The following ANP32B variants were observed in gnomAD, a reference collection of about 807,000 sequenced individuals.
ANP32B encodes the protein acidic leucine-rich nuclear phosphoprotein 32 family member B.
In ANP32B, 6 loss-of-function variants were observed where a neutral mutation model predicts 32.2. The observed-to-expected ratio is 0.19, with a 90% confidence interval of 0.10 to 0.37. The LOEUF is 0.37. Among genes scored for constraint, ANP32B ranks in the 10% least tolerant of loss-of-function variants. The pLI is 1.00. For synonymous variants in ANP32B, 98 were observed against 105.8 expected (o/e 0.93, Z 0.45); for missense variants, 204 against 289.2 (o/e 0.71, Z 2.14).
intron 2 of ANP32B, among the ~76,000 whole-genome samples, chr9:97,997,562 G>T (rs1019146502): frequency 2.0e-5 from 3 of 152,196 alleles, no homozygotes; most frequent in Admixed American, 6.5e-5. Context: ...TGTTGGGCAA[G>T]TTTATTTTCC....
intron 2 of ANP32B, among the ~76,000 whole-genome samples, chr9:97,996,896 G>A (rs1006957909): frequency 4.0e-5 from 6 of 151,820 alleles, no homozygotes; most frequent in Non-Finnish European, 7.4e-5. Flanking sequence ...CACCGTGCCC[G>A]GCCCACAAAT....
At chr9:98,010,592 CAG>C (rs1359780879) in intron 4 of ANP32B, among the ~76,000 whole-genome samples, 4 of 152,050 alleles carry the variant, frequency 2.6e-5, no homozygotes, top group Non-Finnish European at 4.4e-5. Flanking sequence ...AAGGTGGAGT[CAG>C]AGTTAGCCAA....
chr9:98,007,430 A>G (rs953481344), intron 4 of ANP32B, among the ~76,000 whole-genome samples: 2 of 152,234 alleles, frequency 1.3e-5, no homozygotes, highest in African/African-American at 4.8e-5. Context: ...CGTGGTACAC[A>G]TTGCAGGTTG....
intron 3 of ANP32B, among the ~76,000 whole-genome samples, chr9:98,000,148 G>A (rs1827965549): frequency 6.6e-6 from 1 of 152,144 alleles, no homozygotes; most frequent in Non-Finnish European, 1.5e-5. Flanking sequence ...TTGTGCATGT[G>A]TATATGTATT....
At position 97,990,247 on chromosome 9, in the gene ANP32B, T is replaced by G. The variant is rs1292156165; in HGVS notation, c.55-4384T>G. Among the ~76,000 whole-genome samples, 3 of 152,244 alleles carry G rather than the reference T, an allele frequency of 2.0e-5. No individual in the cohort carries two copies. In the East Asian group the frequency reaches 5.8e-4, roughly 29 times the overall value. On this transcript the variant is annotated intron_variant, in intron 1 of 6. Transcript: ENST00000339399. ...TGTGAGTGCACCTGTGTATGTGTGT[T>G]GCACATGTAAATACACTTTTTCTGC...
rs527931779 is a variant in ANP32B, at chr9:97,983,551, G to A, written c.-5G>A. The A allele has an allele frequency of 2.2e-5, 35 of 1,577,622 alleles. No homozygotes were observed. Among genetic ancestry groups the A allele is most frequent in the Admixed American group, 1.6e-4 (9 of 55,162 alleles). On this transcript the variant is annotated 5_prime_UTR_variant, in exon 1 of 7. Coordinates refer to ENST00000339399, the MANE Select transcript of ANP32B (RefSeq NM_006401.3). ...TTAAGTTTGAAGAGGGGGGAAGAGG[G>A]GAACATGGACATGAAGAGGAGGATC...
At chr9:98,015,168 T>C (rs1828253424) in intron 6 of ANP32B, among the ~76,000 whole-genome samples, 196 bp from the exon 7 acceptor site, 1 of 152,184 alleles carries the variant, frequency 6.6e-6, no homozygotes, top group African/African-American at 2.4e-5. Flanking sequence ...TGAGTTGAGG[T>C]GCTGCTGTGC....
chr9:98,010,057 C>CA (rs1438149586), intron 4 of ANP32B, among the ~76,000 whole-genome samples: 1 of 152,100 alleles, frequency 6.6e-6, no homozygotes, highest in African/African-American at 2.4e-5. Flanking sequence ...AAGTTCACCT[C>CA]AAACAGGAAG....
intron 1 of ANP32B, among the ~76,000 whole-genome samples, chr9:97,989,505 T>C (rs1827789599): frequency 6.6e-6 from 1 of 152,184 alleles, no homozygotes; most frequent in Non-Finnish European, 1.5e-5. Flanking sequence ...GCCAGTTAAC[T>C]CTTGGATCAA....
intron 1 of ANP32B, chr9:97,984,514 C>A (rs1285483338): frequency 6.6e-6 from 1 of 151,260 alleles, no homozygotes; most frequent in Non-Finnish European, 1.5e-5. Flanking sequence ...GGGAGGCTGG[C>A]CCCTCCGTGT....
At chr9:97,986,024 T>C (rs2131579244) in intron 1 of ANP32B, among the ~76,000 whole-genome samples, 1 of 152,224 alleles carries the variant, frequency 6.6e-6, no homozygotes, top group Admixed American at 6.5e-5. Context: ...TTTCTCCCTG[T>C]TGTTCAGGCT....
intron 1 of ANP32B, among the ~76,000 whole-genome samples, chr9:97,988,435 C>A (rs55966274): frequency 0.058 from 8,787 of 152,180 alleles, 794 homozygotes; most frequent in African/African-American, 0.2. Context: ...TAATAGAGAT[C>A]CGTTCCAGGC....
intron 1 of ANP32B, among the ~76,000 whole-genome samples, chr9:97,984,933 T>C (rs1827686501): frequency 6.6e-6 from 1 of 150,546 alleles, no homozygotes; most frequent in African/African-American, 2.4e-5. Context: ...CCTGGTGCGG[T>C]CGGCCGCGCG....
At chr9:97,994,526 T>C in intron 1 of ANP32B, 105 bp from the exon 2 acceptor site, 3 of 1,104,306 alleles carry the variant, frequency 2.7e-6, no homozygotes, top group Non-Finnish European at 2.6e-6. Flanking sequence ...AGGCTGCCTG[T>C]ATATATGGGT....
chr9:98,011,480 C>A (rs1225186943), intron 5 of ANP32B, 91 bp downstream of exon 5: 1 of 1,492,218 alleles, frequency 6.7e-7, no homozygotes, highest in Admixed American at 2.4e-5. Flanking sequence ...AGAAAAAACA[C>A]CTTTTGAAGA....
At chr9:97,994,881 G>A (rs1827880627) in intron 2 of ANP32B, 101 bp downstream of exon 2, 3 of 1,220,344 alleles carry the variant, frequency 2.5e-6, no homozygotes, top group African/African-American at 3.1e-5. Flanking sequence ...AAAGCACATG[G>A]CCTTTGGAAC....
At chr9:98,007,399 T>C (rs1403448727) in intron 4 of ANP32B, among the ~76,000 whole-genome samples, 5 of 152,182 alleles carry the variant, frequency 3.3e-5, no homozygotes, top group African/African-American at 1.2e-4. Context: ...GCATAGTTGT[T>C]AGAGAGGATT....
At chr9:98,004,911 G>A in intron 3 of ANP32B, 53 bp from the exon 4 acceptor site, 1 of 1,425,296 alleles carries the variant, frequency 7.0e-7, no homozygotes, top group Non-Finnish European at 9.6e-7. Flanking sequence ...AGATGGATTT[G>A]TTACTTATAT....
At chr9:98,007,141 C>T (rs1412237175) in intron 4 of ANP32B, among the ~76,000 whole-genome samples, 1 of 152,214 alleles carries the variant, frequency 6.6e-6, no homozygotes, top group African/African-American at 2.4e-5. Context: ...TCAAATGTGA[C>T]TGCACTGAGA....
Sources: allele counts gnomAD v4.1 joint callset (sites outside exome capture counted in the v4.1 genomes callset), GRCh38; gene constraint gnomAD v4.1.1; transcripts MANE v1.5; gene names NCBI Gene and HGNC (gene_info 2026-07-23, HGNC 2026-07-21).